Variants in ITGA2 observed in about 807,000 individuals in gnomAD.
ITGA2 encodes the protein integrin alpha-2.
A neutral mutation model predicts 146.3 loss-of-function variants in ITGA2; 101 were observed. The observed-to-expected ratio is 0.69, with a 90% confidence interval of 0.59 to 0.81. The LOEUF is 0.81. ITGA2 is among the 40% of genes least tolerant of loss of function. The probability of loss-of-function intolerance (pLI) is 0.00; values close to 1 mark genes in which losing one functional copy is unlikely to be tolerated. For missense variants in ITGA2, 1,281 were observed against 1,402.7 expected (o/e 0.91, Z 1.39); for synonymous variants, 477 against 487.1 (o/e 0.98, Z 0.27).
In ITGA2 at chr5:53,089,951, CCT is replaced by C; in HGVS notation, c.3355_3356del (p.Leu1119AspfsTer6). The C allele has an allele frequency of 6.3e-7, 1 of 1,589,350 alleles. No individual in the cohort carries two copies. The highest frequency in any genetic ancestry group is 8.6e-7 in the Non-Finnish European group (1 of 1,157,554). Reference protein sequence around the residue: ...VIEDNTVTIPLMIMKPDEKAE... With the variant: ...VIEDNTVTIPXMIMKPDEKAE... Reference sequence around the variant, plus strand: ...CTGTGAACTGACATTTCCAGATTCCCCTGATGATAATGAAACCTGATGAGAAA... The same window carrying C: ...CTGTGAACTGACATTTCCAGATTCCCGATGATAATGAAACCTGATGAGAAA... On this transcript the variant is annotated frameshift_variant, in exon 29 of 30. Coordinates refer to ENST00000296585, the MANE Select transcript of ITGA2 (RefSeq NM_002203.4). LOFTEE classifies it high-confidence loss of function.
chr5:52,997,023 A>G (rs999204861), intron 1 of ITGA2, among the ~76,000 whole-genome samples: 2 of 152,318 alleles, frequency 1.3e-5, no homozygotes, highest in Non-Finnish European at 2.9e-5. Context: ...GTTGATGTCT[A>G]TTCTTAATTT....
Position 53,062,771 on chromosome 5 carries a change from G to C in ITGA2, c.1459-15G>C, listed in dbSNP as rs1005101820. The C allele has an allele frequency of 2.5e-6, 4 of 1,609,376 alleles. No individual in the cohort carries two copies. In the African/African-American group the frequency reaches 5.4e-5, roughly 22 times the overall value. ...ATCCTAGGAATTCTAAGTTTAACATGTTTTATTACTCCAGATTGGCTCCTA... is the reference window on the plus strand; with the variant it reads ...ATCCTAGGAATTCTAAGTTTAACATCTTTTATTACTCCAGATTGGCTCCTA... On this transcript the variant is annotated splice_polypyrimidine_tract_variant and intron_variant, in intron 12 of 29. Transcript: ENST00000296585.
chr5:53,033,620 C>T (rs931647899), intron 2 of ITGA2, among the ~76,000 whole-genome samples: 20 of 151,958 alleles, frequency 1.3e-4, no homozygotes, highest in African/African-American at 4.6e-4. Context: ...TAATTTGAGA[C>T]AGAGTCTCAG....
chr5:53,022,865 C>G (rs1013799351), intron 1 of ITGA2, among the ~76,000 whole-genome samples: 6 of 152,160 alleles, frequency 3.9e-5, no homozygotes, highest in Non-Finnish European at 8.8e-5. Flanking sequence ...TTATGCTTGA[C>G]TATCTGGTTT....
chr5:53,056,987 C>A (rs1449503359), intron 9 of ITGA2, among the ~76,000 whole-genome samples: 1 of 151,900 alleles, frequency 6.6e-6, no homozygotes, highest in East Asian at 1.9e-4. Context: ...ATACTCAAAT[C>A]TTGATTTGAT....
chr5:53,044,226 G>A (rs1173190201), intron 3 of ITGA2, among the ~76,000 whole-genome samples: 1 of 117,196 alleles, frequency 8.5e-6, no homozygotes, highest in Non-Finnish European at 1.6e-5. Context: ...AGTGAGCCAA[G>A]ATCGCTCCAC....
At chr5:53,000,897 G>GTT (rs369482288) in intron 1 of ITGA2, among the ~76,000 whole-genome samples, 4,408 of 96,972 alleles carry the variant, frequency 0.045, 196 homozygotes, top group Non-Finnish European at 0.067. Context: ...TTTTCTTTTT[G>GTT]TTTTTTTTTT....
At chr5:52,991,311 A>G (rs1042920419) in intron 1 of ITGA2, among the ~76,000 whole-genome samples, 34 of 152,216 alleles carry the variant, frequency 2.2e-4, no homozygotes, top group African/African-American at 7.0e-4. Flanking sequence ...TTTTGGTACC[A>G]TGAGTATCCC....
In ITGA2 at chr5:53,028,871, A is replaced by G. The variant is rs1442145707; in HGVS notation, c.185+2003A>G. ...CCTGATGCCACCCTGATGGAAGCCA[A>G]CACCAGCTCTTACAGGCACTGCTGC... On this transcript the variant is annotated intron_variant, in intron 2 of 29. Coordinates refer to ENST00000296585, the MANE Select transcript of ITGA2 (RefSeq NM_002203.4). Among the ~76,000 whole-genome samples the G allele has an allele frequency of 5.9e-5, 9 of 152,312 alleles. 1 individual carries two copies. In the South Asian group the frequency reaches 1.0e-3, roughly 18 times the overall value.
rs1256602511 is a variant in ITGA2 at position 53,086,835 on chromosome 5, G to A, written c.3259-117G>A. On this transcript the variant is annotated intron_variant, in intron 27 of 29. Coordinates refer to ENST00000296585, the MANE Select transcript of ITGA2 (RefSeq NM_002203.4). ...CACACAGATTCTGGATGGGTCTTCA[G>A]AACCATTTGCTCTTGTCACATTCCA... 11 of 844,006 alleles carry A rather than the reference G, an allele frequency of 1.3e-5. No homozygotes were observed. The Admixed American group carries it at 1.4e-4, about 11-fold the overall frequency. 52.3% of individuals were successfully genotyped at this position (844,006 alleles called of 1,614,324 possible). A position where few individuals can be genotyped will look rare whatever the true frequency, so the allele number is the denominator to read the frequency against.
intron 14 of ITGA2, 23 bp downstream of exon 14, chr5:53,065,138 G>C: frequency 6.2e-7 from 1 of 1,604,426 alleles, no homozygotes; most frequent in Non-Finnish European, 8.5e-7. Context: ...CTGTTATGGT[G>C]ATGTATGTAT....
At chr5:53,060,756 T>C (rs1744868002) in intron 11 of ITGA2, 145 bp from the exon 12 acceptor site, 2 of 772,296 alleles carry the variant, frequency 2.6e-6, no homozygotes, top group Non-Finnish European at 4.5e-6. Context: ...AAGGAAGACA[T>C]GTCCTCAGTG....
At chr5:53,041,150 C>T (rs1050076393) in intron 2 of ITGA2, among the ~76,000 whole-genome samples, 8 of 152,062 alleles carry the variant, frequency 5.3e-5, no homozygotes, top group Non-Finnish European at 1.2e-4. Flanking sequence ...AAATATGCTT[C>T]CGTATTAATT....
Position 53,051,356 on chromosome 5 carries a change from A to G in ITGA2, c.631-55A>G. On this transcript the variant is annotated intron_variant, in intron 6 of 29. Transcript: ENST00000296585. ...TTGATTTTTATTTTATTGGTTAAGTAGAAATTATTTTTAATGTAATGACAG... is the reference window on the plus strand; with the variant it reads ...TTGATTTTTATTTTATTGGTTAAGTGGAAATTATTTTTAATGTAATGACAG... 3.2e-6 allele frequency: 5 copies of G among 1,570,466 alleles called. No homozygotes were observed. In the South Asian group the frequency reaches 5.6e-5, roughly 17 times the overall value.
intron 1 of ITGA2, among the ~76,000 whole-genome samples, chr5:52,991,795 T>C (rs62357200): frequency 0.021 from 3,218 of 152,294 alleles, 52 homozygotes; most frequent in Middle Eastern, 0.037. Context: ...TAGTCCTATA[T>C]TTATCACCTT....
chr5:53,012,494 G>T (rs1742183329), intron 1 of ITGA2, among the ~76,000 whole-genome samples: 1 of 151,922 alleles, frequency 6.6e-6, no homozygotes, highest in Non-Finnish European at 1.5e-5. Context: ...CCATTGTTGG[G>T]CTACCTTTGG....
intron 2 of ITGA2, among the ~76,000 whole-genome samples, chr5:53,038,804 C>T (rs1183130142): frequency 6.6e-6 from 1 of 152,088 alleles, no homozygotes; most frequent in Non-Finnish European, 1.5e-5. Context: ...AAGATCATCC[C>T]CGGTGGCCAG....
rs191152247 is a variant in ITGA2 at position 53,023,003 on chromosome 5, C to T, written c.65-3745C>T. 1.3e-3 allele frequency among the ~76,000 whole-genome samples: 205 copies of T among 152,278 alleles called. 1 individual carries two copies. Among genetic ancestry groups the T allele is most frequent in the Admixed American group, 9.8e-4 (15 of 15,294 alleles). The stretch of plus-strand genomic sequence containing the variant: ...ATAAAATGTATTTGGTGTAAGCTTT[C>T]GTGAGATTTACTGGAATACTTTGGC... On this transcript the variant is annotated intron_variant, in intron 1 of 29. Coordinates refer to ENST00000296585, the MANE Select transcript of ITGA2 (RefSeq NM_002203.4).
At chr5:53,079,087 T>TA (rs776196931) in intron 24 of ITGA2, among the ~76,000 whole-genome samples, 5 of 152,162 alleles carry the variant, frequency 3.3e-5, no homozygotes, top group Non-Finnish European at 7.3e-5. Context: ...AGGGTGGGCC[T>TA]ACACATTTGC....
Sources: allele counts gnomAD v4.1 joint callset (sites outside exome capture counted in the v4.1 genomes callset), GRCh38; gene constraint gnomAD v4.1.1; transcripts MANE v1.5; gene names NCBI Gene and HGNC (gene_info 2026-07-23, HGNC 2026-07-21).